Variants in MMP15 observed in about 807,000 individuals in gnomAD.
The protein encoded by MMP15 is matrix metalloproteinase-15.
MMP15 carries 36 observed loss-of-function variants against 65.0 expected under a neutral mutation model. The ratio of observed to expected loss-of-function variants is 0.55; its 90% confidence interval spans 0.42 to 0.73. The LOEUF is 0.73. Ranked by LOEUF, MMP15 falls within the 30% of genes least tolerant of loss-of-function variation. The probability of loss-of-function intolerance (pLI) is 0.00; values close to 1 mark genes in which losing one functional copy is unlikely to be tolerated. For missense variants in MMP15, 870 were observed against 987.8 expected, an observed-to-expected ratio of 0.88 and a Z score of 1.60; for synonymous variants, 428 against 410.2, an observed-to-expected ratio of 1.04 and a Z score of -0.52.
At position 58,026,235 on chromosome 16, in the gene MMP15, G is replaced by C. The variant is rs1458896163; in HGVS notation, c.-116G>C. 4.3e-6 allele frequency: 5 copies of C among 1,149,668 alleles called. No homozygotes were observed. Among genetic ancestry groups the C allele is most frequent in the Non-Finnish European group, 5.5e-6 (5 of 912,270 alleles). 71.2% of individuals were successfully genotyped at this position (1,149,668 alleles called of 1,614,324 possible). A position where few individuals can be genotyped will look rare whatever the true frequency, so the allele number is the denominator to read the frequency against. ...CCTAGGCGGCTCCGGCGGGGACCGGGAGCCCGAGGTCCGCGGCGCGCCTGC... is the reference window on the plus strand; with the variant it reads ...CCTAGGCGGCTCCGGCGGGGACCGGCAGCCCGAGGTCCGCGGCGCGCCTGC... On this transcript the variant is annotated 5_prime_UTR_variant, in exon 1 of 10. Coordinates refer to ENST00000219271, the MANE Select transcript of MMP15 (RefSeq NM_002428.4).
intron 2 of MMP15, 76 bp from the exon 3 acceptor site, chr16:58,038,190 C>T (rs770258974): frequency 3.1e-5 from 48 of 1,570,694 alleles, no homozygotes; most frequent in Admixed American, 1.5e-4. Flanking sequence ...CCGGAAGTGG[C>T]GGAAGTGGCA....
chr16:58,042,501 T>C, intron 7 of MMP15, 132 bp downstream of exon 7: 6 of 1,310,600 alleles, frequency 4.6e-6, no homozygotes, highest in Non-Finnish European at 5.2e-6. Flanking sequence ...GGGCTCACTC[T>C]GGGAGGATGA....
rs528066387 is a variant in MMP15, at chr16:58,028,997, T to A, written c.162+2485T>A. Reference sequence around the variant, plus strand: ...TCCAGGCTCACCGGGGGAGCTCTTATCTCACCTGCCTCCCCCTACCCCCTC... The same window carrying A: ...TCCAGGCTCACCGGGGGAGCTCTTAACTCACCTGCCTCCCCCTACCCCCTC... On this transcript the variant is annotated intron_variant, in intron 1 of 9. Transcript: ENST00000219271. 6.4e-4 allele frequency among the ~76,000 whole-genome samples: 98 copies of A among 152,310 alleles called. 1 individual carries two copies. In the Middle Eastern group the frequency reaches 0.014, roughly 21 times the overall value.
Position 58,038,413 on chromosome 16 carries a change from C to G in MMP15, c.440+19C>G, listed in dbSNP as rs1959380424. The G allele has an allele frequency of 6.2e-7, 1 of 1,613,114 alleles. No homozygotes were observed. Among genetic ancestry groups the G allele is most frequent in the African/African-American group, 1.3e-5 (1 of 74,942 alleles). ...CCTTTAGGTAGGGGGCTCAGCTGCC[C>G]AGGGAAGCATCTGCCCCTCGGCAGG... is the stretch of plus-strand genomic sequence containing the variant. On this transcript the variant is annotated intron_variant, in intron 3 of 9. Transcript: ENST00000219271.
In MMP15 at chr16:58,045,548, C is replaced by A; in HGVS notation, c.*102C>A. ...CCAGGTAGGGGCCCCTCTCAGCCCT[C>A]ACACACCCTGTCTGCCCCGCCCTCA... On this transcript the variant is annotated 3_prime_UTR_variant, in exon 10 of 10. Coordinates refer to ENST00000219271, the MANE Select transcript of MMP15 (RefSeq NM_002428.4). The A allele has an allele frequency of 1.1e-6, 1 of 937,480 alleles. No homozygotes were observed. Among genetic ancestry groups the A allele is most frequent in the Non-Finnish European group, 1.6e-6 (1 of 644,778 alleles). 58.1% of individuals were successfully genotyped at this position (937,480 alleles called of 1,614,324 possible).
intron 1 of MMP15, among the ~76,000 whole-genome samples, chr16:58,028,235 C>T (rs1313579133): frequency 1.3e-5 from 2 of 152,154 alleles, no homozygotes; most frequent in African/African-American, 2.4e-5. Context: ...GCCCACAGCT[C>T]GATGCCGCCA....
chr16:58,033,739 C>T (rs1343928317), intron 1 of MMP15, among the ~76,000 whole-genome samples: 1 of 152,196 alleles, frequency 6.6e-6, no homozygotes, highest in Non-Finnish European at 1.5e-5. Flanking sequence ...TGTGTCTCTA[C>T]CAAAAATAGA....
chr16:58,045,289 A>T lies in MMP15; in HGVS notation c.1853A>T (p.Glu618Val). 1 of 1,610,678 alleles carries T rather than the reference A, an allele frequency of 6.2e-7. No homozygotes were observed. The highest frequency in any genetic ancestry group is 1.1e-5 in the South Asian group (1 of 90,350). The change falls in exon 10 of 10, where the codon GAG (glutamate) becomes GTG (valine). Residue 618 changes from glutamate (E) to valine (V), a missense_variant. Physicochemically the swap from Glu to Val is moderately radical, Grantham distance 121. Coordinates refer to ENST00000219271, the MANE Select transcript of MMP15 (RefSeq NM_002428.4). ...DGGSRVVVQM[E>V]EVARTVNVVM... ...GGCAGCCGCGTGGTGGTGCAGATGG[A>T]GGAGGTGGCACGGACGGTGAACGTG... is the stretch of plus-strand genomic sequence containing the variant.
chr16:58,041,553 C>T, intron 5 of MMP15, 64 bp from the exon 6 acceptor site: 2 of 1,541,114 alleles, frequency 1.3e-6, no homozygotes, highest in Admixed American at 2.0e-5. Context: ...GTGCTGGGGG[C>T]CCCGGGGCCC....
In MMP15 at chr16:58,043,303, T is replaced by C; in HGVS notation, c.1397T>C (p.Ile466Thr). The C allele has an allele frequency of 6.2e-7, 1 of 1,606,302 alleles. No individual in the cohort carries two copies. The highest frequency in any genetic ancestry group is 8.5e-7 in the Non-Finnish European group (1 of 1,175,764). Residue 466 changes from isoleucine (I) to threonine (T), a missense_variant, in exon 8 of 10, where the codon ATT (isoleucine) becomes ACT (threonine). Physicochemically the swap from Ile to Thr is moderately conservative, Grantham distance 89. Transcript: ENST00000219271. ...GGCCTGGGCATCCCCTATGACCGCA[T>C]TGACACGGCCATCTGGTGGGAGCCC... The part of the protein sequence containing the change: ...SYGLGIPYDR[I>T]DTAIWWEPTG...
intron 1 of MMP15, among the ~76,000 whole-genome samples, chr16:58,031,720 G>A (rs4784887): frequency 0.63 from 94,987 of 151,786 alleles, 30,989 homozygotes; most frequent in Middle Eastern, 0.82. Flanking sequence ...CCTGCAACTC[G>A]CTTAAAGACC....
rs891367295 is a variant in MMP15, at chr16:58,046,521, A to G, written c.*1075A>G. On this transcript the variant is annotated 3_prime_UTR_variant, in exon 10 of 10. Transcript: ENST00000219271. The stretch of plus-strand genomic sequence containing the variant: ...GCGCATCAGACTGTGAACCCCACGA[A>G]GGAGCCCATTGTGGCCTAAGAGGCT... 3.3e-5 allele frequency: 5 copies of G among 152,710 alleles called. No homozygotes were observed. In the East Asian group the frequency reaches 9.6e-4, roughly 29 times the overall value. 9.5% of individuals were successfully genotyped at this position (152,710 alleles called of 1,614,324 possible). A position where few individuals can be genotyped will look rare whatever the true frequency, so the allele number is the denominator to read the frequency against.
chr16:58,036,214 G>A (rs931181911), intron 1 of MMP15, among the ~76,000 whole-genome samples: 1 of 152,170 alleles, frequency 6.6e-6, no homozygotes, highest in Non-Finnish European at 1.5e-5. Flanking sequence ...GCAGCCCCTG[G>A]CCTCTGCTCA....
intron 8 of MMP15, 26 bp from the exon 9 acceptor site, chr16:58,043,485 TC>T (rs773702057): frequency 1.9e-6 from 3 of 1,611,054 alleles, no homozygotes; most frequent in South Asian, 1.1e-5. Context: ...GATCTCTAGG[TC>T]CACAGCCTGG....
intron 7 of MMP15, 129 bp from the exon 8 acceptor site, chr16:58,043,081 C>T: frequency 1.1e-6 from 1 of 885,100 alleles, no homozygotes; most frequent in Non-Finnish European, 1.7e-6. Flanking sequence ...CGGGTGACCT[C>T]ATTGTATGTT....
intron 1 of MMP15, among the ~76,000 whole-genome samples, chr16:58,030,055 C>G (rs2142323107): frequency 6.6e-6 from 1 of 152,292 alleles, no homozygotes. Flanking sequence ...CCACTACTTT[C>G]CAGATCAAAT....
At chr16:58,034,701 C>T (rs1959295313) in intron 1 of MMP15, among the ~76,000 whole-genome samples, 4 of 152,232 alleles carry the variant, frequency 2.6e-5, no homozygotes, top group African/African-American at 4.8e-5. Flanking sequence ...CTCTTCACCC[C>T]AGGTGGCTGA....
rs1241546660 is a variant in MMP15 at position 58,043,646 on chromosome 16, C to A, written c.1570+19C>A. Reference sequence around the variant, plus strand: ...GACGCAGGTACCTGGCCAGCCCCTCCCAGTTTGCCCAGCACCTAATATCCC... The same window carrying A: ...GACGCAGGTACCTGGCCAGCCCCTCACAGTTTGCCCAGCACCTAATATCCC... On this transcript the variant is annotated intron_variant, in intron 9 of 9. Transcript: ENST00000219271. The A allele has an allele frequency of 6.4e-6, 10 of 1,566,428 alleles. No individual in the cohort carries two copies. Among genetic ancestry groups the A allele is most frequent in the Non-Finnish European group, 7.8e-6 (9 of 1,149,634 alleles).
rs1309554337 is a variant in MMP15 at position 58,038,278 on chromosome 16, G to A, written c.324G>A (p.Arg108=). 6.2e-7 allele frequency: 1 copy of A among 1,613,932 alleles called. No individual in the cohort carries two copies. The highest frequency in any genetic ancestry group is 1.7e-5 in the Admixed American group (1 of 60,024). ...LDEETKEWMK[R]PRCGVPDQFG... ...GTCCATGTCCCAGGTGGATGAAGCG[G>A]CCCCGCTGTGGGGTGCCAGACCAGT... The change falls in exon 3 of 10, where the codon CGG becomes CGA. Residue 108 remains arginine, a synonymous_variant. Transcript: ENST00000219271.
Sources: allele counts gnomAD v4.1 joint callset (sites outside exome capture counted in the v4.1 genomes callset), GRCh38; gene constraint gnomAD v4.1.1; transcripts MANE v1.5; gene names NCBI Gene and HGNC (gene_info 2026-07-23, HGNC 2026-07-21).